PCDH15: variants seen among roughly 807,000 people sequenced by gnomAD.
The protein encoded by PCDH15 is protocadherin related 15, also known as protocadherin-15.
A neutral mutation model predicts 178.5 loss-of-function variants in PCDH15; 129 were observed. The ratio of observed to expected loss-of-function variants is 0.72; its 90% CI spans 0.63 to 0.84. PCDH15 has a LOEUF of 0.84. Ranked by LOEUF, PCDH15 falls within the 40% of genes least tolerant of loss-of-function variation. PCDH15 has a pLI of 0.00. For missense variants in PCDH15, 2,230 were observed against 2,099.9 expected, an observed-to-expected ratio of 1.06 and a Z score of -1.21; for synonymous variants, 800 against 732.0, an observed-to-expected ratio of 1.09 and a Z score of -1.50.
chr10:55,237,848 A>G (rs1841425772), intron 1 of PCDH15, among the ~76,000 whole-genome samples: 1 of 152,142 alleles, frequency 6.6e-6, no homozygotes, highest in African/African-American at 2.4e-5. Context: ...AATGGAACAT[A>G]ACAACACATT....
At position 54,686,920 on chromosome 10, in the gene PCDH15, C is replaced by G. The variant is rs138617847; in HGVS notation, c.-28-22630G>C. ...TCCAAAATACTTTATTTTTGAAACT[C>G]CTGTAACTCAATAAAGCATGTGACT... On this transcript the variant is annotated intron_variant, in intron 1 of 37. Coordinates refer to ENST00000644397, the MANE Select transcript of PCDH15 (RefSeq NM_001384140.1). Among the ~76,000 whole-genome samples, 228 of 148,702 alleles carry G rather than the reference C, an allele frequency of 1.5e-3. 1 individual carries two copies. The East Asian group carries it at 0.021, about 14-fold the overall frequency.
chr10:54,684,391 T>C (rs2094956873), intron 1 of PCDH15, among the ~76,000 whole-genome samples: 1 of 151,912 alleles, frequency 6.6e-6, no homozygotes, highest in Admixed American at 6.6e-5. Context: ...AAGGAAATCA[T>C]TTAGTTTACT....
intron 37 of PCDH15, chr10:53,808,368 T>C (rs2075736358): frequency 2.2e-6 from 2 of 925,114 alleles, no homozygotes; most frequent in Non-Finnish European, 2.6e-6. Context: ...TCCATTCCAA[T>C]AGACAGAGTG....
At chr10:55,287,270 A>C (rs535328117) in intron 1 of PCDH15, among the ~76,000 whole-genome samples, 1 of 152,166 alleles carries the variant, frequency 6.6e-6, no homozygotes, top group Admixed American at 6.6e-5. Flanking sequence ...ATTTATGTGC[A>C]AATTTTACAA....
At chr10:53,993,699 A>T (rs2091670653) in intron 21 of PCDH15, among the ~76,000 whole-genome samples, 1 of 152,182 alleles carries the variant, frequency 6.6e-6, no homozygotes, top group Non-Finnish European at 1.5e-5. Flanking sequence ...AAAAACGTTC[A>T]TGGAATTGAG....
chr10:54,066,760 T>C lies in PCDH15; in HGVS notation c.2217A>G (p.Val739=). ...TCTATATAAATATTCCACTTACTTT[T>C]ACTTGACCCACAAAGGCATTGGCTT... ...EEEANAFVGQ[V]KATDPDAGIN... is the part of the protein sequence containing the mutation. The change falls in exon 18 of 38, where the codon GTA becomes GTG. Residue 739 remains valine, a synonymous_variant. Transcript: ENST00000644397. 1 of 1,613,212 alleles carries C rather than the reference T, an allele frequency of 6.2e-7. No homozygotes were observed. The highest frequency in any genetic ancestry group is 8.5e-7 in the Non-Finnish European group (1 of 1,179,412).
intron 2 of PCDH15, among the ~76,000 whole-genome samples, chr10:55,121,410 T>A (rs959042566): frequency 6.6e-6 from 1 of 151,754 alleles, no homozygotes; most frequent in Non-Finnish European, 1.5e-5. Flanking sequence ...TCCACCGATA[T>A]CTGCTTTAGA....
At chr10:54,807,882 TTCA>T (rs1355476897) in intron 3 of PCDH15, among the ~76,000 whole-genome samples, 1 of 151,506 alleles carries the variant, frequency 6.6e-6, no homozygotes, top group East Asian at 1.9e-4. Context: ...TAAAATTATC[TTCA>T]TCACTTTTCT....
rs1415297915 is a variant in PCDH15, at chr10:55,218,137, T to A, written c.-155-51486A>T. 3.3e-5 allele frequency among the ~76,000 whole-genome samples: 5 copies of A among 152,116 alleles called. No homozygotes were observed. The East Asian group carries it at 9.6e-4, about 29-fold the overall frequency. On this transcript the variant is annotated intron_variant, in intron 1 of 5. Transcript: ENST00000458638. ...ACAATAACCTTTTAAAATAGGCATG[T>A]GTGTTTCTATTTTGCACATGAGAAA... is the stretch of plus-strand genomic sequence containing the variant.
intron 2 of PCDH15, among the ~76,000 whole-genome samples, chr10:55,417,538 GA>G (rs1838513617): frequency 6.6e-6 from 1 of 151,338 alleles, no homozygotes; most frequent in African/African-American, 2.4e-5. Context: ...CATAATAAAA[GA>G]AAAAATCTTT....
rs201647527 is a variant in PCDH15 at position 53,888,282 on chromosome 10, C to CTATATATATATATATATATATATA, written c.3501+14960_3501+14961insTATATATATATATATATATATATA. On this transcript the variant is annotated intron_variant, in intron 26 of 37. Transcript: ENST00000644397. ...TTGGATACAAATAAACATTCCAACA[C>CTATATATATATATATATATATATA]TATATATACATATATATATATATAT... 5.1e-4 allele frequency among the ~76,000 whole-genome samples: 49 copies of CTATATATATATATATATATATATA among 95,350 alleles called. 3 individuals are homozygous for CTATATATATATATATATATATATA. Among genetic ancestry groups the CTATATATATATATATATATATATA allele is most frequent in the Middle Eastern group, 6.8e-3 (1 of 148 alleles). 62.6% of individuals were successfully genotyped at this position (95,350 alleles called of 152,430 possible). A position where few individuals can be genotyped will look rare whatever the true frequency, so the allele number is the denominator to read the frequency against.
At chr10:54,577,146 G>A (rs989869410) in intron 2 of PCDH15, among the ~76,000 whole-genome samples, 20 of 151,544 alleles carry the variant, frequency 1.3e-4, no homozygotes, top group Non-Finnish European at 2.9e-5. Context: ...GCAGTGACGC[G>A]ATCTCGGCTC....
At chr10:55,304,234 T>C (rs755294516) in intron 1 of PCDH15, among the ~76,000 whole-genome samples, 40 of 152,294 alleles carry the variant, frequency 2.6e-4, no homozygotes, top group Admixed American at 9.2e-4. Context: ...GCACTTTTCC[T>C]GGTATTTGGA....
intron 3 of PCDH15, among the ~76,000 whole-genome samples, chr10:54,815,167 A>G (rs1952929316): frequency 1.3e-5 from 2 of 151,868 alleles, no homozygotes; most frequent in African/African-American, 2.4e-5. Context: ...TATTTGTGAC[A>G]AGTTGAAAAA....
At chr10:54,359,265 A>G (rs1001950390) in intron 5 of PCDH15, among the ~76,000 whole-genome samples, 1 of 148,218 alleles carries the variant, frequency 6.7e-6, no homozygotes, top group African/African-American at 2.6e-5. Context: ...CCTTTAAAAA[A>G]CTAAAAAAAA....
chr10:55,027,824 A>AT (rs1269323182), intron 2 of PCDH15, among the ~76,000 whole-genome samples: 1 of 151,848 alleles, frequency 6.6e-6, no homozygotes, highest in East Asian at 1.9e-4. Flanking sequence ...AGGTAGTATA[A>AT]TTTTTTTGTC....
intron 8 of PCDH15, among the ~76,000 whole-genome samples, chr10:54,304,223 AAG>A (rs1353820414): frequency 6.6e-6 from 1 of 152,072 alleles, no homozygotes; most frequent in Non-Finnish European, 1.5e-5. Context: ...ACACTGGCAT[AAG>A]CCAGCTGCAA....
chr10:55,046,426 T>G (rs1464307967), intron 2 of PCDH15, among the ~76,000 whole-genome samples: 1 of 152,088 alleles, frequency 6.6e-6, no homozygotes, highest in Non-Finnish European at 1.5e-5. Context: ...TGTAAGGCTT[T>G]GGGTAATGAA....
At chr10:54,872,830 T>C (rs556688667) in intron 3 of PCDH15, among the ~76,000 whole-genome samples, 29 of 152,186 alleles carry the variant, frequency 1.9e-4, no homozygotes, top group South Asian at 1.2e-3. Context: ...ATACAGTCTA[T>C]AAAACATAAT....
Sources: allele counts gnomAD v4.1 joint callset (sites outside exome capture counted in the v4.1 genomes callset), GRCh38; gene constraint gnomAD v4.1.1; transcripts MANE v1.5; gene names NCBI Gene and HGNC (gene_info 2026-07-23, HGNC 2026-07-21).